PCDH15: variants seen among roughly 807,000 people sequenced by gnomAD.
The protein encoded by PCDH15 is protocadherin related 15.
Under a neutral mutation model 178.5 loss-of-function variants are expected in PCDH15, and 129 were observed. The observed-to-expected ratio is 0.72, with a 90% CI of 0.63 to 0.84. The LOEUF (loss-of-function observed/expected upper bound fraction) is 0.84, where lower values mean the gene tolerates loss of function less well. PCDH15 is among the 40% of genes least tolerant of loss of function. PCDH15 has a pLI of 0.00. For synonymous variants in PCDH15, 800 were observed against 732.0 expected (o/e 1.09, Z -1.50); for missense variants, 2,230 against 2,099.9 (o/e 1.06, Z -1.21).
At chr10:53,823,498 G>C in intron 32 of PCDH15, 1 of 859,006 alleles carries the variant, frequency 1.2e-6, no homozygotes, top group Non-Finnish European at 2.0e-6. Context: ...ACTAAAGCAA[G>C]ACATTATTTT....
chr10:54,345,725 C>CA (rs1402213965), intron 6 of PCDH15, among the ~76,000 whole-genome samples: 1 of 119,046 alleles, frequency 8.4e-6, no homozygotes, highest in Non-Finnish European at 1.6e-5. Flanking sequence ...ACTAAATATA[C>CA]AAAAAAATTG....
intron 2 of PCDH15, among the ~76,000 whole-genome samples, chr10:55,476,742 C>A (rs1301340497): frequency 6.6e-6 from 1 of 151,968 alleles, no homozygotes; most frequent in East Asian, 1.9e-4. Context: ...GCTTACTTAT[C>A]AAACCAATGT....
chr10:54,967,807 T>C (rs764826000), intron 2 of PCDH15, among the ~76,000 whole-genome samples: 4 of 152,152 alleles, frequency 2.6e-5, no homozygotes, highest in Non-Finnish European at 4.4e-5. Flanking sequence ...GGAGCAGTTG[T>C]GATTTTTTCT....
chr10:54,752,607 G>GATTTATA (rs2133009662), intron 1 of PCDH15, among the ~76,000 whole-genome samples: 1 of 151,488 alleles, frequency 6.6e-6, no homozygotes, highest in African/African-American at 2.4e-5. Context: ...ATAAATCCCT[G>GATTTATA]CATGAATATA....
At position 54,089,880 on chromosome 10, in the gene PCDH15, AGT is replaced by A. The variant is rs2094571516; in HGVS notation, c.1997+102_1997+103del. ...AGCATTCATAGAAAACAGAAAGGGA[AGT>A]ACAACTACAAACAGCTGAAAGCCTC... is the stretch of plus-strand genomic sequence containing the variant. On this transcript the variant is annotated intron_variant, in intron 16 of 37. Coordinates refer to ENST00000644397, the MANE Select transcript of PCDH15 (RefSeq NM_001384140.1). 5.9e-6 allele frequency: 5 copies of A among 846,302 alleles called. No individual in the cohort carries two copies. The African/African-American group carries it at 8.4e-5, about 14-fold the overall frequency. 52.4% of individuals were successfully genotyped at this position (846,302 alleles called of 1,614,324 possible).
chr10:55,275,519 A>G lies in PCDH15; in HGVS notation c.-156+44080T>C, dbSNP rs147685115. Among the ~76,000 whole-genome samples, 27 of 149,054 alleles carry G rather than the reference A, an allele frequency of 1.8e-4. No individual in the cohort carries two copies. In the East Asian group the frequency reaches 5.2e-3, roughly 29 times the overall value. On this transcript the variant is annotated intron_variant, in intron 1 of 5. Coordinates refer to the PCDH15 transcript ENST00000458638. ...CATAAAAATGATTTTTTTTCATCCC[A>G]GTGCTATCCTTTTGCACTGATCTAC...
At chr10:54,461,204 AT>A (rs2077144387) in intron 3 of PCDH15, among the ~76,000 whole-genome samples, 3 of 152,190 alleles carry the variant, frequency 2.0e-5, no homozygotes, top group Admixed American at 2.0e-4. Context: ...GCCTAGCAAC[AT>A]TTTCTAGCAA....
At chr10:55,189,532 G>T (rs908356381) in intron 1 of PCDH15, among the ~76,000 whole-genome samples, 2 of 151,628 alleles carry the variant, frequency 1.3e-5, no homozygotes, top group African/African-American at 4.8e-5. Context: ...AGAACTCTAG[G>T]GATTGTATTC....
intron 2 of PCDH15, among the ~76,000 whole-genome samples, chr10:55,606,556 T>C (rs1305669711): frequency 4.3e-5 from 6 of 140,246 alleles, no homozygotes; most frequent in Non-Finnish European, 7.7e-5. Flanking sequence ...GAGATTTAGA[T>C]CAATGGAACA....
chr10:54,408,770 G>A (rs1399741950), intron 3 of PCDH15, among the ~76,000 whole-genome samples: 1 of 152,170 alleles, frequency 6.6e-6, no homozygotes, highest in African/African-American at 2.4e-5. Flanking sequence ...GGGGACAGGT[G>A]TTACACTTTT....
At chr10:55,559,288 T>C (rs535404959) in intron 2 of PCDH15, among the ~76,000 whole-genome samples, 1 of 152,048 alleles carries the variant, frequency 6.6e-6, no homozygotes, top group African/African-American at 2.4e-5. Flanking sequence ...AAACTTCACA[T>C]TGAATAACAG....
intron 3 of PCDH15, among the ~76,000 whole-genome samples, chr10:54,515,005 T>C (rs1413257810): frequency 2.0e-5 from 3 of 152,220 alleles, no homozygotes; most frequent in Non-Finnish European, 2.9e-5. Flanking sequence ...GGAGCCAAGA[T>C]GGCCGAGTAG....
At chr10:54,314,289 C>T (rs543425532) in intron 8 of PCDH15, among the ~76,000 whole-genome samples, 1 of 151,958 alleles carries the variant, frequency 6.6e-6, no homozygotes, top group African/African-American at 2.4e-5. Flanking sequence ...TCGAATGAAA[C>T]AAAAATGCAC....
chr10:54,516,682 A>G (rs2082257278), intron 3 of PCDH15, among the ~76,000 whole-genome samples: 1 of 152,080 alleles, frequency 6.6e-6, no homozygotes, highest in Admixed American at 6.6e-5. Flanking sequence ...AAGGCAGGCC[A>G]ACGTTCAGAT....
intron 2 of PCDH15, among the ~76,000 whole-genome samples, chr10:55,453,732 C>T (rs1839485782): frequency 6.6e-6 from 1 of 152,082 alleles, no homozygotes; most frequent in East Asian, 1.9e-4. Context: ...AACACTCTCC[C>T]AATTCCAATT....
chr10:54,949,781 G>A (rs1319146650), intron 2 of PCDH15, among the ~76,000 whole-genome samples: 1 of 151,912 alleles, frequency 6.6e-6, no homozygotes. Context: ...AAGTTCCATA[G>A]ATCTCTAGGA....
chr10:54,615,349 T>C (rs2093102908), intron 2 of PCDH15, among the ~76,000 whole-genome samples: 1 of 152,062 alleles, frequency 6.6e-6, no homozygotes, highest in Non-Finnish European at 1.5e-5. Context: ...TAATTCTGTG[T>C]TTCTGGAACT....
rs191577749 is a variant in PCDH15 at position 55,600,182 on chromosome 10, G to A, written c.-156+27443C>T. 4.2e-4 allele frequency: 106 copies of A among 253,516 alleles called. 1 individual carries two copies. Among genetic ancestry groups the A allele is most frequent in the Non-Finnish European group, 7.6e-4 (101 of 132,792 alleles). The allele number at this position is 253,516 out of a possible 1,614,324, so 15.7% of individuals were successfully genotyped here. On this transcript the variant is annotated intron_variant, in intron 2 of 5. Coordinates refer to the PCDH15 transcript ENST00000613346. ...GATCGAGACCATCCTGGCTAACATAGTAAAACCCTGTATCTACTAAAAATA... is the reference window on the plus strand; with the variant it reads ...GATCGAGACCATCCTGGCTAACATAATAAAACCCTGTATCTACTAAAAATA...
At chr10:54,100,225 C>T (rs1343142424) in intron 15 of PCDH15, among the ~76,000 whole-genome samples, 4 of 151,738 alleles carry the variant, frequency 2.6e-5, no homozygotes, top group Non-Finnish European at 2.9e-5. Context: ...ATTTGCCGGG[C>T]GTAGTGGTGT....
Sources: gnomAD v4.1 joint callset for allele counts (sites outside exome capture counted in the v4.1 genomes callset) on GRCh38, gnomAD v4.1.1 for gene constraint, MANE v1.5 for transcripts, NCBI Gene and HGNC (gene_info 2026-07-23, HGNC 2026-07-21) for gene names.